Variants in APBA2 observed in about 807,000 individuals in gnomAD.
APBA2 encodes the protein amyloid beta precursor protein binding family A member 2, also known as amyloid-beta A4 precursor protein-binding family A member 2.
Under a neutral mutation model 75.0 loss-of-function variants are expected in APBA2, and 30 were observed. The observed-to-expected ratio is 0.40, with a 90% CI of 0.30 to 0.54. APBA2 has a LOEUF of 0.54. Among genes scored for constraint, APBA2 ranks in the 20% least tolerant of loss-of-function variants. The pLI is 0.49. For synonymous variants in APBA2, 444 were observed against 409.6 expected, an observed-to-expected ratio of 1.08 and a Z score of -1.01; for missense variants, 801 against 1,016.1, an observed-to-expected ratio of 0.79 and a Z score of 2.88.
chr15:28,959,500 A>G (rs536798392), intron 2 of APBA2, among the ~76,000 whole-genome samples: 2 of 152,346 alleles, frequency 1.3e-5, no homozygotes, highest in South Asian at 2.1e-4. Context: ...GGCCGTGTAC[A>G]TACATGGCGG....
At position 29,118,117 on chromosome 15, in the gene APBA2, A is replaced by G. The variant is rs538034474; in HGVS notation, c.*984A>G. On this transcript the variant is annotated 3_prime_UTR_variant, in exon 15 of 15. Transcript: ENST00000683413. Reference sequence around the variant, plus strand: ...GTCCAGCTCGGTTCATTAGCGATCCATGTAATCTGACGTCATCTTGTCTCG... The same window carrying G: ...GTCCAGCTCGGTTCATTAGCGATCCGTGTAATCTGACGTCATCTTGTCTCG... 2.6e-5 allele frequency: 4 copies of G among 152,764 alleles called. No individual in the cohort carries two copies. The highest frequency in any genetic ancestry group is 5.9e-5 in the Non-Finnish European group (4 of 68,038). The allele number at this position is 152,764 out of a possible 1,614,324, so 9.5% of individuals were successfully genotyped here. A position where few individuals can be genotyped will look rare whatever the true frequency, so the allele number is the denominator to read the frequency against.
intron 6 of APBA2, among the ~76,000 whole-genome samples, chr15:29,085,933 C>A (rs1034739486): frequency 2.6e-5 from 4 of 152,164 alleles, no homozygotes; most frequent in Admixed American, 2.0e-4. Context: ...CCCCCAAGGA[C>A]CCCTGCCTCT....
intron 4 of APBA2, among the ~76,000 whole-genome samples, chr15:29,072,332 G>T (rs192520547): frequency 1.3e-5 from 2 of 152,296 alleles, no homozygotes; most frequent in Admixed American, 1.3e-4. Context: ...GTAAAATACC[G>T]ACGTGTGCTA....
intron 3 of APBA2, among the ~76,000 whole-genome samples, chr15:29,042,375 A>G (rs1040399560): frequency 6.6e-6 from 1 of 151,988 alleles, no homozygotes; most frequent in African/African-American, 2.4e-5. Context: ...CGAGTTTAAG[A>G]GAGTCTCCTG....
intron 1 of APBA2, among the ~76,000 whole-genome samples, chr15:28,888,500 C>T (rs1196334891): frequency 6.6e-6 from 1 of 152,206 alleles, no homozygotes; most frequent in Non-Finnish European, 1.5e-5. Context: ...CTCTCCGGCG[C>T]TCCTGGCTGT....
intron 3 of APBA2, among the ~76,000 whole-genome samples, chr15:29,007,377 A>T (rs1473081604): frequency 6.6e-6 from 1 of 152,226 alleles, no homozygotes; most frequent in Non-Finnish European, 1.5e-5. Flanking sequence ...AGGAAAAGAT[A>T]GGTAAGTTGG....
At chr15:28,902,644 T>C (rs2032929099) in intron 1 of APBA2, among the ~76,000 whole-genome samples, 1 of 152,200 alleles carries the variant, frequency 6.6e-6, no homozygotes, top group Non-Finnish European at 1.5e-5. Context: ...TGTATGGCGA[T>C]GTTAATAATC....
chr15:28,933,379 A>G (rs1156992311), intron 2 of APBA2, among the ~76,000 whole-genome samples: 2 of 152,178 alleles, frequency 1.3e-5, no homozygotes, highest in Non-Finnish European at 2.9e-5. Context: ...TCTCTGAGCC[A>G]TCACGCAGGT....
intron 2 of APBA2, among the ~76,000 whole-genome samples, chr15:28,939,201 T>TA (rs1381048893): frequency 1.3e-5 from 2 of 152,212 alleles, no homozygotes; most frequent in Non-Finnish European, 2.9e-5. Flanking sequence ...CTTCCTTTTT[T>TA]AGTGCTGAAT....
At chr15:29,039,708 G>A (rs756594527) in intron 3 of APBA2, among the ~76,000 whole-genome samples, 4 of 152,184 alleles carry the variant, frequency 2.6e-5, no homozygotes, top group African/African-American at 7.2e-5. Context: ...CTAGCTGAAC[G>A]CTGATGGGCA....
At chr15:29,015,151 G>A (rs1480043138) in intron 3 of APBA2, among the ~76,000 whole-genome samples, 5 of 152,170 alleles carry the variant, frequency 3.3e-5, no homozygotes, top group Admixed American at 3.3e-4. Context: ...AGGGAAATAA[G>A]GAGAAATGAA....
At position 28,915,245 on chromosome 15, in the gene APBA2, C is replaced by G. The variant is rs1369197406; in HGVS notation, c.-204-6395C>G. Among the ~76,000 whole-genome samples the G allele has an allele frequency of 2.0e-5, 3 of 148,294 alleles. No individual in the cohort carries two copies. In the South Asian group the frequency reaches 6.5e-4, roughly 32 times the overall value. ...ACATACCACACATACCCCATATATA[C>G]CACACACCACACACATAGCCCATAC... is the stretch of plus-strand genomic sequence containing the variant. On this transcript the variant is annotated intron_variant, in intron 1 of 14. Transcript: ENST00000683413.
chr15:28,947,623 G>A (rs2035618703), intron 2 of APBA2, among the ~76,000 whole-genome samples: 1 of 152,270 alleles, frequency 6.6e-6, no homozygotes. Context: ...CGTAGCCCAG[G>A]CCCATCATCT....
rs78312039 is a variant in APBA2 at position 29,053,607 on chromosome 15, G to T, written c.-40-238G>T. ...GGAGAGGCGTGTGTCCTCGTGAGTT[G>T]CCGGTGCCTCCCTTGACTGCTTTTC... On this transcript the variant is annotated intron_variant, in intron 3 of 14. Coordinates refer to ENST00000683413, the MANE Select transcript of APBA2 (RefSeq NM_001353788.2). 3.8e-3 allele frequency among the ~76,000 whole-genome samples: 586 copies of T among 152,218 alleles called. 2 individuals carry two copies. The highest frequency in any genetic ancestry group is 0.013 in the African/African-American group (540 of 41,552).
chr15:28,993,911 GT>G (rs1206989852), intron 2 of APBA2, among the ~76,000 whole-genome samples: 1 of 152,166 alleles, frequency 6.6e-6, no homozygotes, highest in Non-Finnish European at 1.5e-5. Flanking sequence ...CAGAGCCGGA[GT>G]TTAGGGTGCC....
chr15:29,057,146 A>G (rs2041936346), intron 4 of APBA2, among the ~76,000 whole-genome samples: 1 of 152,196 alleles, frequency 6.6e-6, no homozygotes, highest in African/African-American at 2.4e-5. Context: ...CAGTAAAAAA[A>G]AAATCTGAAG....
intron 2 of APBA2, among the ~76,000 whole-genome samples, chr15:28,969,127 T>TC (rs1566855251): frequency 0.014 from 1,811 of 131,368 alleles, 40 homozygotes; most frequent in East Asian, 0.093. Context: ...CTTTCATTTC[T>TC]TTTTCTTTCT....
At chr15:28,963,791 A>G (rs965178689) in intron 2 of APBA2, among the ~76,000 whole-genome samples, 4 of 152,216 alleles carry the variant, frequency 2.6e-5, no homozygotes, top group East Asian at 1.9e-4. Flanking sequence ...CCCCGCTTCA[A>G]TGTTAACATT....
At chr15:28,955,681 C>T (rs767297185) in intron 2 of APBA2, among the ~76,000 whole-genome samples, 1 of 152,190 alleles carries the variant, frequency 6.6e-6, no homozygotes, top group Non-Finnish European at 1.5e-5. Flanking sequence ...AAGTTAAACA[C>T]AAAAGCTGGT....
Sources: gnomAD v4.1 joint callset for allele counts (sites outside exome capture counted in the v4.1 genomes callset) on GRCh38, gnomAD v4.1.1 for gene constraint, MANE v1.5 for transcripts, NCBI Gene and HGNC (gene_info 2026-07-23, HGNC 2026-07-21) for gene names.